Variants in DGKB observed in about 807,000 individuals in gnomAD.
The protein encoded by DGKB is 90 kDa diacylglycerol kinase.
In DGKB, 67 loss-of-function variants were observed where a neutral mutation model predicts 114.3. The observed-to-expected ratio is 0.59, with a 90% CI of 0.48 to 0.72. The LOEUF (loss-of-function observed/expected upper bound fraction) is 0.72, where lower values mean the gene tolerates loss of function less well. DGKB is among the 30% of genes least tolerant of loss of function. The pLI, the probability that DGKB is intolerant of heterozygous loss-of-function variation, is 0.00. For missense variants in DGKB, 907 were observed against 975.2 expected (o/e 0.93, Z 0.93); for synonymous variants, 398 against 323.1 (o/e 1.23, Z -2.49).
intron 13 of DGKB, 50 bp from the exon 14 acceptor site, chr7:14,630,318 A>G: frequency 6.9e-7 from 1 of 1,451,896 alleles, no homozygotes; most frequent in Non-Finnish European, 9.3e-7. Context: ...GTCAAACTCA[A>G]AACAAATCAG....
chr7:14,704,457 A>G (rs1312736212), intron 6 of DGKB, among the ~76,000 whole-genome samples: 1 of 150,948 alleles, frequency 6.6e-6, no homozygotes, highest in African/African-American at 2.5e-5. Context: ...CAAAAAAAAA[A>G]AAAAAAAGAA....
chr7:14,222,262 G>A (rs964018665), intron 23 of DGKB, among the ~76,000 whole-genome samples: 4 of 150,268 alleles, frequency 2.7e-5, no homozygotes, highest in Non-Finnish European at 4.5e-5. Flanking sequence ...ATTTATTTAA[G>A]CTGTTTTTTT....
intron 4 of DGKB, among the ~76,000 whole-genome samples, chr7:14,739,987 A>G (rs552071655): frequency 6.6e-6 from 1 of 152,272 alleles, no homozygotes; most frequent in African/African-American, 2.4e-5. Context: ...TGTCTGCTGT[A>G]TGTACTTTCG....
At chr7:14,345,275 C>A (rs753126101) in intron 22 of DGKB, 26 bp downstream of exon 22, 13 of 1,338,780 alleles carry the variant, frequency 9.7e-6, no homozygotes, top group Non-Finnish European at 1.3e-5. Context: ...CATCATATTA[C>A]AAAAGAGAAT....
chr7:14,632,058 C>A (rs540388336), intron 13 of DGKB, among the ~76,000 whole-genome samples: 1 of 151,988 alleles, frequency 6.6e-6, no homozygotes, highest in African/African-American at 2.4e-5. Context: ...CACTGGAAAG[C>A]CAAGTGAAAA....
intron 17 of DGKB, among the ~76,000 whole-genome samples, chr7:14,589,411 C>A (rs924772654): frequency 6.6e-6 from 1 of 151,876 alleles, no homozygotes; most frequent in Non-Finnish European, 1.5e-5. Flanking sequence ...TGACAGAATT[C>A]CAACATATTG....
intron 21 of DGKB, among the ~76,000 whole-genome samples, chr7:14,349,798 T>C (rs780396156): frequency 2.0e-5 from 3 of 152,154 alleles, no homozygotes; most frequent in Admixed American, 6.6e-5. Context: ...TATCTACTTT[T>C]ATGATTCACA....
chr7:14,763,076 A>G (rs932185357), intron 2 of DGKB, among the ~76,000 whole-genome samples: 6 of 152,028 alleles, frequency 3.9e-5, no homozygotes, highest in African/African-American at 1.4e-4. Context: ...TGTATCTTCC[A>G]TATTTACTAT....
intron 21 of DGKB, among the ~76,000 whole-genome samples, chr7:14,464,296 G>GA (rs1391514055): frequency 6.6e-6 from 1 of 152,074 alleles, no homozygotes; most frequent in African/African-American, 2.4e-5. Context: ...CACAGTACAT[G>GA]AAACTTTCTG....
intron 13 of DGKB, among the ~76,000 whole-genome samples, chr7:14,664,473 C>T (rs1268785137): frequency 3.3e-5 from 5 of 151,916 alleles, no homozygotes; most frequent in Non-Finnish European, 5.9e-5. Context: ...TGGATAAAGC[C>T]GATCTCCTTG....
chr7:14,728,717 T>C (rs1459331293), intron 5 of DGKB, among the ~76,000 whole-genome samples: 2 of 122,288 alleles, frequency 1.6e-5, no homozygotes, highest in East Asian at 2.4e-4. Flanking sequence ...TTTTTTTTTT[T>C]CTCTGAGATG....
chr7:14,618,756 G>T (rs914884821), intron 15 of DGKB, among the ~76,000 whole-genome samples: 1 of 151,538 alleles, frequency 6.6e-6, no homozygotes, highest in African/African-American at 2.4e-5. Context: ...TCATTATGCT[G>T]GTTAGCTGGA....
intron 20 of DGKB, among the ~76,000 whole-genome samples, chr7:14,519,536 T>C (rs574094676): frequency 1.3e-5 from 2 of 152,226 alleles, no homozygotes; most frequent in East Asian, 3.9e-4. Flanking sequence ...AAGAATAATG[T>C]CGATATGAAT....
At chr7:14,834,953 T>G (rs754123402) in intron 2 of DGKB, among the ~76,000 whole-genome samples, 10 of 152,102 alleles carry the variant, frequency 6.6e-5, no homozygotes, top group African/African-American at 2.2e-4. Flanking sequence ...TATTGAAAGA[T>G]TTAAGACATA....
At position 14,630,254 on chromosome 7, in the gene DGKB, T is replaced by G. The variant is rs1809442239; in HGVS notation, c.1149A>C (p.Ser383=). 6.4e-7 allele frequency: 1 copy of G among 1,559,796 alleles called. No homozygotes were observed. The highest frequency in any genetic ancestry group is 8.7e-7 in the Non-Finnish European group (1 of 1,152,090). ...ICPVVLTLPT[S]GVSVPEERQS... ...TACGCACCTCAGGAACTGAAACTCCTGAAGTGGGCAGAGTCTGCTGAAAAA... is the reference window on the plus strand; with the variant it reads ...TACGCACCTCAGGAACTGAAACTCCGGAAGTGGGCAGAGTCTGCTGAAAAA... Residue 383 remains serine, a synonymous_variant, in exon 14 of 26, where the codon TCA becomes TCC. Transcript: ENST00000402815.
chr7:14,894,811 G>C (rs368651188), intron 1 of DGKB, among the ~76,000 whole-genome samples: 1 of 151,524 alleles, frequency 6.6e-6, no homozygotes, highest in East Asian at 1.9e-4. Context: ...AGTTTGGATA[G>C]AGTACATTCA....
In DGKB at chr7:14,200,790, T is replaced by G. The variant is rs1785749276; in HGVS notation, c.2123-22639A>C. 2.0e-5 allele frequency among the ~76,000 whole-genome samples: 3 copies of G among 151,232 alleles called. No homozygotes were observed. In the South Asian group the frequency reaches 6.3e-4, roughly 32 times the overall value. ...ATGTAGCATTGTCAAAAAGGGAGAG[T>G]GTTTAACTCTATGGAGGATGGTTGG... On this transcript the variant is annotated intron_variant, in intron 23 of 25. Coordinates refer to ENST00000402815, the MANE Select transcript of DGKB (RefSeq NM_001350709.2).
chr7:14,201,246 A>G (rs993246103), intron 23 of DGKB, among the ~76,000 whole-genome samples: 5 of 151,598 alleles, frequency 3.3e-5, no homozygotes, highest in Admixed American at 3.3e-4. Context: ...ATTAATCCCA[A>G]TTATGATGGC....
chr7:14,917,182 G>A (rs754792977), intron 1 of DGKB, among the ~76,000 whole-genome samples: 5 of 151,922 alleles, frequency 3.3e-5, no homozygotes, highest in Non-Finnish European at 7.4e-5. Flanking sequence ...TATAAAAGAA[G>A]AGAGATCTAA....
Sources: allele counts gnomAD v4.1 joint callset (sites outside exome capture counted in the v4.1 genomes callset), GRCh38; gene constraint gnomAD v4.1.1; transcripts MANE v1.5; gene names NCBI Gene and HGNC (gene_info 2026-07-23, HGNC 2026-07-21).